The following TMEM132C variants were observed in gnomAD, a reference collection of about 807,000 sequenced individuals.
TMEM132C encodes the protein protein phosphatase 1, regulatory subunit 152.
Under a neutral mutation model 61.4 loss-of-function variants are expected in TMEM132C, and 29 were observed. That is an observed-to-expected ratio of 0.47 (90% CI 0.35 to 0.64). TMEM132C has a LOEUF of 0.64. TMEM132C is among the 30% of genes least tolerant of loss of function. TMEM132C has a pLI of 0.00. For synonymous variants in TMEM132C, 656 were observed against 633.1 expected, an observed-to-expected ratio of 1.04 and a Z score of -0.54; for missense variants, 1,408 against 1,476.9, an observed-to-expected ratio of 0.95 and a Z score of 0.76.
chr12:128,604,179 A>G (rs1482668618), intron 3 of TMEM132C, among the ~76,000 whole-genome samples: 2 of 152,308 alleles, frequency 1.3e-5, no homozygotes, highest in East Asian at 1.9e-4. Context: ...AGGTAGACAG[A>G]TTTATGGATA....
chr12:128,370,045 A>T (rs1047960548), intron 1 of TMEM132C, among the ~76,000 whole-genome samples: 3 of 151,958 alleles, frequency 2.0e-5, no homozygotes, highest in African/African-American at 7.3e-5. Context: ...TTTGCACTAA[A>T]TTTTTCTGCC....
chr12:128,678,419 G>A (rs1156938825), intron 5 of TMEM132C, among the ~76,000 whole-genome samples: 1 of 152,200 alleles, frequency 6.6e-6, no homozygotes, highest in Admixed American at 6.5e-5. Flanking sequence ...GGGATTCAAA[G>A]TGCAGTTTAA....
chr12:128,497,004 G>A (rs564459783), intron 2 of TMEM132C, among the ~76,000 whole-genome samples: 1 of 152,042 alleles, frequency 6.6e-6, no homozygotes, highest in Admixed American at 6.6e-5. Context: ...ATACAGATGG[G>A]GTTTTGGCGT....
chr12:128,553,741 C>G (rs946656780), intron 3 of TMEM132C, among the ~76,000 whole-genome samples: 1 of 152,166 alleles, frequency 6.6e-6, no homozygotes, highest in African/African-American at 2.4e-5. Flanking sequence ...ATTTCTAGTC[C>G]GAGTTTCTGC....
intron 1 of TMEM132C, chr12:128,404,384 C>G (rs910649559): frequency 5.6e-4 from 86 of 152,302 alleles, no homozygotes; most frequent in African/African-American, 2.0e-3. Flanking sequence ...CTGAGCTTTC[C>G]CTCCCCAATC....
At chr12:128,551,166 C>T (rs1874161224) in intron 3 of TMEM132C, among the ~76,000 whole-genome samples, 1 of 151,904 alleles carries the variant, frequency 6.6e-6, no homozygotes, top group Non-Finnish European at 1.5e-5. Context: ...GTCTTATGAT[C>T]GGCTTCTAAT....
intron 4 of TMEM132C, among the ~76,000 whole-genome samples, chr12:128,640,046 A>G (rs569739913): frequency 3.9e-5 from 6 of 152,350 alleles, no homozygotes; most frequent in Non-Finnish European, 7.3e-5. Context: ...CAAGACAGAA[A>G]TCAGCAAGGC....
chr12:128,348,814 A>G (rs1873250940), intron 1 of TMEM132C, among the ~76,000 whole-genome samples: 4 of 152,214 alleles, frequency 2.6e-5, no homozygotes, highest in Admixed American at 2.6e-4. Context: ...TCAAACACGC[A>G]GTTTCTTTGC....
At chr12:128,701,565 A>G (rs56030803) in intron 8 of TMEM132C, among the ~76,000 whole-genome samples, 13,112 of 152,262 alleles carry the variant, frequency 0.086, 957 homozygotes, top group African/African-American at 0.2. Flanking sequence ...TGCGGGATGT[A>G]GAGTCATCAT....
intron 2 of TMEM132C, among the ~76,000 whole-genome samples, chr12:128,428,341 G>T (rs144135704): frequency 6.6e-6 from 1 of 152,024 alleles, no homozygotes; most frequent in Admixed American, 6.6e-5. Flanking sequence ...AACTCCATTC[G>T]CCCACATTGT....
chr12:128,697,482 G>A, intron 8 of TMEM132C, 67 bp downstream of exon 8: 2 of 1,431,536 alleles, frequency 1.4e-6, no homozygotes, highest in Non-Finnish European at 1.9e-6. Flanking sequence ...TCAGCAAAGG[G>A]GCAGGGTGGA....
At chr12:128,282,158 C>T (rs531017222) in intron 1 of TMEM132C, among the ~76,000 whole-genome samples, 7 of 152,328 alleles carry the variant, frequency 4.6e-5, no homozygotes, top group South Asian at 2.1e-4. Flanking sequence ...TGCTTATCAT[C>T]CCTGAATGTT....
At chr12:128,604,804 T>TA (rs1876357171) in intron 3 of TMEM132C, among the ~76,000 whole-genome samples, 2 of 150,898 alleles carry the variant, frequency 1.3e-5, no homozygotes, top group African/African-American at 2.4e-5. Flanking sequence ...AGTAGATAGA[T>TA]GATGGATGGA....
At chr12:128,455,004 G>A (rs776715752) in intron 2 of TMEM132C, among the ~76,000 whole-genome samples, 20 of 152,196 alleles carry the variant, frequency 1.3e-4, no homozygotes, top group Non-Finnish European at 2.4e-4. Context: ...ACTGTATGCT[G>A]ATTTTCTTCC....
At position 128,605,996 on chromosome 12, in the gene TMEM132C, G is replaced by A. The variant is rs113018682; in HGVS notation, c.1122-10156G>A. On this transcript the variant is annotated intron_variant, in intron 3 of 8. Coordinates refer to ENST00000435159, the MANE Select transcript of TMEM132C (RefSeq NM_001136103.3). ...AATTGGATCTGAAGGGCTGGACTCA[G>A]TGCCCGCTTTGGGCTGGCCTAGGGC... 6.3e-3 allele frequency among the ~76,000 whole-genome samples: 954 copies of A among 152,336 alleles called. 6 individuals carry two copies. The highest frequency in any genetic ancestry group is 0.017 in the Middle Eastern group (5 of 294).
intron 4 of TMEM132C, among the ~76,000 whole-genome samples, chr12:128,665,848 C>CTCAT (rs1954460312): frequency 1.4e-5 from 2 of 139,568 alleles, no homozygotes; most frequent in East Asian, 2.1e-4. Flanking sequence ...AACACAGGCA[C>CTCAT]ACACACACAC....
chr12:128,289,179 CAT>C (rs1592998654), intron 1 of TMEM132C: 2 of 152,260 alleles, frequency 1.3e-5, no homozygotes, highest in East Asian at 3.9e-4. Flanking sequence ...CACTCACACA[CAT>C]ACACCTGCAT....
At chr12:128,286,819 G>T (rs1033223327) in intron 1 of TMEM132C, among the ~76,000 whole-genome samples, 1 of 152,064 alleles carries the variant, frequency 6.6e-6, no homozygotes, top group Non-Finnish European at 1.5e-5. Flanking sequence ...GGGACGTGTT[G>T]GTACCAGAAG....
intron 1 of TMEM132C, among the ~76,000 whole-genome samples, chr12:128,269,347 CGTGTGTGTGTGT>C (rs58843737): frequency 7.0e-6 from 1 of 143,050 alleles, no homozygotes. Context: ...GCTCACATTC[CGTGTGTGTGTGT>C]GTGTGTGTGT....
Sources: gnomAD v4.1 joint callset for allele counts (sites outside exome capture counted in the v4.1 genomes callset) on GRCh38, gnomAD v4.1.1 for gene constraint, MANE v1.5 for transcripts, NCBI Gene and HGNC (gene_info 2026-07-23, HGNC 2026-07-21) for gene names.